ASTN2: variants seen among roughly 807,000 people sequenced by gnomAD.
ASTN2 encodes astrotactin 2.
In ASTN2, 54 loss-of-function variants were observed where a neutral mutation model predicts 139.8. That is an observed-to-expected ratio of 0.39 (90% CI 0.31 to 0.48). The LOEUF is 0.48. ASTN2 is among the 20% of genes least tolerant of loss of function. The pLI is 0.95. For synonymous variants in ASTN2, 756 were observed against 719.5 expected (o/e 1.05, Z -0.81); for missense variants, 1,565 against 1,725.1 (o/e 0.91, Z 1.64).
intron 4 of ASTN2, among the ~76,000 whole-genome samples, chr9:117,138,769 C>T (rs534252176): frequency 6.6e-6 from 1 of 152,274 alleles, no homozygotes; most frequent in African/African-American, 2.4e-5. Context: ...GAGACCCCAT[C>T]TAACTTGTAA....
intron 1 of ASTN2, among the ~76,000 whole-genome samples, chr9:117,376,646 A>G (rs183363223): frequency 1.3e-3 from 204 of 152,290 alleles, no homozygotes; most frequent in African/African-American, 4.1e-3. Context: ...AATAGACTAG[A>G]TATGGATTCA....
In ASTN2 at chr9:116,633,428, A is replaced by C. The variant is rs150936634; in HGVS notation, c.3073-12985T>G. Among the ~76,000 whole-genome samples the C allele has an allele frequency of 5.9e-3, 903 of 152,284 alleles. 10 individuals carry two copies. Among genetic ancestry groups the C allele is most frequent in the African/African-American group, 0.02 (847 of 41,558 alleles). On this transcript the variant is annotated intron_variant, in intron 17 of 22. Transcript: ENST00000313400. ...GGCTGGAACTCACATACTTTTCCTAAGGGAAACCTTTAGCTGAGGATTCCA... is the reference window on the plus strand; with the variant it reads ...GGCTGGAACTCACATACTTTTCCTACGGGAAACCTTTAGCTGAGGATTCCA...
chr9:117,414,404 G>C lies in ASTN2; in HGVS notation c.442+93C>G. 1 of 1,554,094 alleles carries C rather than the reference G, an allele frequency of 6.4e-7. No individual in the cohort carries two copies. Among genetic ancestry groups the C allele is most frequent in the Non-Finnish European group, 8.7e-7 (1 of 1,150,726 alleles). On this transcript the variant is annotated intron_variant, in intron 1 of 22. Transcript: ENST00000313400. This position sits in a 1 kb window ranked among gnomAD's most constrained non-coding sequence, Gnocchi z 4.2. Reference sequence around the variant, plus strand: ...TGCCAACCCCACTCGGGGCAGCCCCGGGCAGGGATCCCCAGGGCGCCCCCA... The same window carrying C: ...TGCCAACCCCACTCGGGGCAGCCCCCGGCAGGGATCCCCAGGGCGCCCCCA...
intron 19 of ASTN2, among the ~76,000 whole-genome samples, chr9:116,606,797 T>G (rs1324066290): frequency 6.6e-6 from 1 of 152,038 alleles, no homozygotes; most frequent in African/African-American, 2.4e-5. Context: ...GTGAAAAAGG[T>G]GCTGTTTTTC....
intron 3 of ASTN2, among the ~76,000 whole-genome samples, chr9:117,200,996 CTTTTTTTT>C (rs777675838): frequency 4.2e-5 from 4 of 94,972 alleles, no homozygotes; most frequent in Admixed American, 1.3e-4. Context: ...TGGTCCTGGG[CTTTTTTTT>C]TTTTTTTTTT....
intron 3 of ASTN2, among the ~76,000 whole-genome samples, chr9:117,166,312 T>C (rs909395063): frequency 1.3e-5 from 2 of 152,090 alleles, no homozygotes; most frequent in Admixed American, 1.3e-4. Flanking sequence ...ATGGCTCCCC[T>C]GTCTCTCTCC....
intron 5 of ASTN2, among the ~76,000 whole-genome samples, chr9:117,042,963 T>G (rs1838622981): frequency 6.6e-6 from 1 of 152,040 alleles, no homozygotes; most frequent in Admixed American, 6.6e-5. Flanking sequence ...TTCCGCCTCC[T>G]GGGTTCAAGT....
intron 7 of ASTN2, among the ~76,000 whole-genome samples, chr9:116,995,137 T>C (rs12349162): frequency 0.14 from 20,595 of 152,166 alleles, 1,639 homozygotes; most frequent in African/African-American, 0.21. Context: ...GTGTAAACAC[T>C]TGTGTTAGTA....
intron 12 of ASTN2, among the ~76,000 whole-genome samples, chr9:116,811,541 A>C (rs1161058039): frequency 6.6e-6 from 1 of 152,226 alleles, no homozygotes; most frequent in Admixed American, 6.5e-5. Flanking sequence ...GGTAGTCACA[A>C]GTTGAGATTT....
At chr9:117,229,284 C>A (rs1471480928) in intron 2 of ASTN2, among the ~76,000 whole-genome samples, 2 of 152,174 alleles carry the variant, frequency 1.3e-5, no homozygotes, top group Non-Finnish European at 2.9e-5. Context: ...GAGTGCTGAA[C>A]CTCGATCTGT....
Position 116,645,771 on chromosome 9 carries a change from A to G in ASTN2, c.3072+5757T>C, listed in dbSNP as rs12237833. Among the ~76,000 whole-genome samples the G allele has an allele frequency of 0.019, 2,907 of 152,252 alleles. 395 individuals carry two copies. In the South Asian group the frequency reaches 0.29, roughly 15 times the overall value. On this transcript the variant is annotated intron_variant, in intron 17 of 22. Coordinates refer to ENST00000313400, the MANE Select transcript of ASTN2 (RefSeq NM_001365068.1). ...TATAAAGTGAGAAAATGCCCCTGAG[A>G]TCCCTCCATTTGTAAAGTGCCCTTT...
chr9:117,039,306 A>G (rs2132646842), intron 6 of ASTN2, among the ~76,000 whole-genome samples: 1 of 152,296 alleles, frequency 6.6e-6, no homozygotes, highest in Admixed American at 6.5e-5. Flanking sequence ...GGAAACCATC[A>G]TCCTCAACAA....
At chr9:116,587,095 C>G (rs1391320888) in intron 19 of ASTN2, among the ~76,000 whole-genome samples, 1 of 152,114 alleles carries the variant, frequency 6.6e-6, no homozygotes, top group African/African-American at 2.4e-5. Context: ...AATCCCAACA[C>G]TTTGGGAGGC....
At chr9:117,307,936 TG>T (rs1343806502) in intron 1 of ASTN2, among the ~76,000 whole-genome samples, 1 of 152,220 alleles carries the variant, frequency 6.6e-6, no homozygotes, top group Non-Finnish European at 1.5e-5. Context: ...GACAGACTGC[TG>T]TAGAGCACAG....
chr9:116,856,927 C>T (rs1442316931), intron 11 of ASTN2, among the ~76,000 whole-genome samples: 1 of 152,160 alleles, frequency 6.6e-6, no homozygotes, highest in African/African-American at 2.4e-5. Context: ...TAAGACCCAG[C>T]GAGTATGCAA....
At chr9:116,921,189 A>C (rs1385782642) in intron 10 of ASTN2, among the ~76,000 whole-genome samples, 2 of 152,128 alleles carry the variant, frequency 1.3e-5, no homozygotes, top group African/African-American at 4.8e-5. Context: ...AGAATTCACT[A>C]TCATGATGAC....
intron 2 of ASTN2, among the ~76,000 whole-genome samples, chr9:117,251,912 C>G (rs1833548880): frequency 1.3e-5 from 2 of 152,100 alleles, no homozygotes; most frequent in Admixed American, 6.5e-5. Context: ...ATTGGGAGCT[C>G]ACTAAGAGAA....
intron 1 of ASTN2, among the ~76,000 whole-genome samples, chr9:117,314,432 C>T (rs562092101): frequency 2.0e-5 from 3 of 151,848 alleles, no homozygotes; most frequent in Admixed American, 1.3e-4. Flanking sequence ...ATAGCCCACC[C>T]CCCCAATTTA....
intron 13 of ASTN2, among the ~76,000 whole-genome samples, chr9:116,803,064 T>G (rs1830905402): frequency 6.6e-6 from 1 of 152,218 alleles, no homozygotes; most frequent in African/African-American, 2.4e-5. Flanking sequence ...AAATTAAATT[T>G]TTCTATTTTT....
Sources: gnomAD v4.1 joint callset for allele counts (sites outside exome capture counted in the v4.1 genomes callset) on GRCh38, gnomAD v4.1.1 for gene constraint, Gnocchi (gnomAD v3.1) non-coding constraint, MANE v1.5 for transcripts, NCBI Gene and HGNC (gene_info 2026-07-23, HGNC 2026-07-21) for gene names.